RAB8B: variants seen among roughly 807,000 people sequenced by gnomAD.
RAB8B encodes RAB8B, member RAS oncogene family.
RAB8B carries 11 observed loss-of-function variants against 32.0 expected under a neutral mutation model. That is an observed-to-expected ratio of 0.34 (90% CI 0.22 to 0.57). RAB8B has a LOEUF of 0.57. RAB8B is among the 20% of genes least tolerant of loss of function. RAB8B has a pLI of 0.86. For synonymous variants in RAB8B, 103 were observed against 89.6 expected (o/e 1.15, Z -0.85); for missense variants, 190 against 258.5 (o/e 0.73, Z 1.82).
intron 5 of RAB8B, 98 bp downstream of exon 5, chr15:63,256,692 T>A (rs2038161524): frequency 1.1e-6 from 1 of 870,344 alleles, no homozygotes; most frequent in Admixed American, 3.2e-5. Context: ...AAAATCTGTG[T>A]TTTAATCCCT....
intron 1 of RAB8B, among the ~76,000 whole-genome samples, chr15:63,214,286 CTTT>C (rs34415858): frequency 1.0e-5 from 1 of 95,648 alleles, no homozygotes; most frequent in Non-Finnish European, 2.1e-5. Context: ...CAGTTTCTTT[CTTT>C]TTTTTTTTTT....
At chr15:63,222,896 A>G (rs1377379396) in intron 1 of RAB8B, 2 of 265,762 alleles carry the variant, frequency 7.5e-6, no homozygotes, top group Non-Finnish European at 1.5e-5. Context: ...CATCATAACT[A>G]TTGTAATGTT....
At chr15:63,207,976 A>G (rs890894693) in intron 1 of RAB8B, among the ~76,000 whole-genome samples, 3 of 152,180 alleles carry the variant, frequency 2.0e-5, no homozygotes, top group Non-Finnish European at 4.4e-5. Flanking sequence ...ATGTCCTTCT[A>G]AGTGACCCGA....
At chr15:63,239,834 A>C (rs566176743) in intron 1 of RAB8B, among the ~76,000 whole-genome samples, 6 of 152,192 alleles carry the variant, frequency 3.9e-5, no homozygotes, top group Non-Finnish European at 8.8e-5. Flanking sequence ...TTAACTGGCA[A>C]AGAGAGGATG....
intron 1 of RAB8B, among the ~76,000 whole-genome samples, chr15:63,201,736 T>C (rs759299589): frequency 6.6e-6 from 1 of 152,190 alleles, no homozygotes; most frequent in Non-Finnish European, 1.5e-5. Context: ...TAGAAGGAGA[T>C]AGATATCTCC....
At position 63,249,080 on chromosome 15, in the gene RAB8B, G is replaced by A. The variant is rs181865501; in HGVS notation, c.186-565G>A. Among the ~76,000 whole-genome samples the A allele has an allele frequency of 7.5e-3, 1,147 of 152,196 alleles. 5 individuals carry two copies. The highest frequency in any genetic ancestry group is 0.017 in the Admixed American group (259 of 15,290). On this transcript the variant is annotated intron_variant, in intron 2 of 7. Coordinates refer to ENST00000321437, the MANE Select transcript of RAB8B (RefSeq NM_016530.3). ...TTTATGTTTAAAAGTCTTTGAAAACGTTGTCAAGATTTATGTGTTGAACTC... is the reference window on the plus strand; with the variant it reads ...TTTATGTTTAAAAGTCTTTGAAAACATTGTCAAGATTTATGTGTTGAACTC...
At chr15:63,244,674 TCAATAGAAA>T in intron 1 of RAB8B, 73 bp from the exon 2 acceptor site, 1 of 1,143,798 alleles carries the variant, frequency 8.7e-7, no homozygotes, top group Admixed American at 2.4e-5. Flanking sequence ...GAGCTTTTTT[TCAATAGAAA>T]TCTTTGTCCT....
At chr15:63,223,331 C>G (rs936755919) in intron 1 of RAB8B, among the ~76,000 whole-genome samples, 15 of 152,046 alleles carry the variant, frequency 9.9e-5, no homozygotes, top group African/African-American at 3.6e-4. Flanking sequence ...AGGCTGGTCT[C>G]GAACTCCTGA....
rs2152584824 is a variant in RAB8B, at chr15:63,259,949, C to T, written c.480+257C>T. On this transcript the variant is annotated intron_variant, in intron 6 of 7. Coordinates refer to ENST00000321437, the MANE Select transcript of RAB8B (RefSeq NM_016530.3). The surrounding 1 kb of genome is among the most constrained non-coding windows in gnomAD (Gnocchi z 4.4). The stretch of plus-strand genomic sequence containing the variant: ...TCCCAGGTTCAAGCGATTCTCCTGC[C>T]TCAGCCTCCCGAGTAGCTGGTACTA... Among the ~76,000 whole-genome samples, 3 of 152,266 alleles carry T rather than the reference C, an allele frequency of 2.0e-5. No individual in the cohort carries two copies. In the South Asian group the frequency reaches 6.2e-4, roughly 32 times the overall value.
chr15:63,193,744 G>A (rs892651872), intron 1 of RAB8B, among the ~76,000 whole-genome samples: 3 of 152,046 alleles, frequency 2.0e-5, no homozygotes, highest in Non-Finnish European at 2.9e-5. Context: ...CTGGGAGGCC[G>A]AGCTTGCAGT....
At chr15:63,257,297 T>C (rs1340323239) in intron 5 of RAB8B, among the ~76,000 whole-genome samples, 1 of 151,768 alleles carries the variant, frequency 6.6e-6, no homozygotes, top group African/African-American at 2.4e-5. Context: ...TCTTGCTCTG[T>C]CTCCCAGGCT....
chr15:63,209,282 GGAT>G (rs750260356), intron 1 of RAB8B, among the ~76,000 whole-genome samples: 1 of 151,876 alleles, frequency 6.6e-6, no homozygotes, highest in Non-Finnish European at 1.5e-5. Flanking sequence ...TGAAATTTTA[GGAT>G]GATATTATGA....
chr15:63,242,190 T>G lies in RAB8B; in HGVS notation c.125-2566T>G, dbSNP rs189175881. 5.3e-5 allele frequency among the ~76,000 whole-genome samples: 8 copies of G among 151,946 alleles called. No homozygotes were observed. The East Asian group carries it at 1.6e-3, about 30-fold the overall frequency. On this transcript the variant is annotated intron_variant, in intron 1 of 7. Transcript: ENST00000321437. ...AATTAGCTTGGGTGTGATTGTTGCC[T>G]ATTTCAAGACACAAGAGTATCTAAA... is the stretch of plus-strand genomic sequence containing the variant.
intron 1 of RAB8B, among the ~76,000 whole-genome samples, chr15:63,208,418 C>G (rs550752043): frequency 6.6e-6 from 1 of 152,138 alleles, no homozygotes; most frequent in Non-Finnish European, 1.5e-5. Flanking sequence ...CATTATCTCA[C>G]TGTCATTTGT....
At chr15:63,244,059 C>G (rs965469018) in intron 1 of RAB8B, among the ~76,000 whole-genome samples, 1 of 152,176 alleles carries the variant, frequency 6.6e-6, no homozygotes, top group Non-Finnish European at 1.5e-5. Flanking sequence ...AAAGGTCCCA[C>G]CTCTTAGTAC....
intron 1 of RAB8B, among the ~76,000 whole-genome samples, chr15:63,203,798 T>C (rs1044855220): frequency 2.0e-5 from 3 of 152,238 alleles, no homozygotes; most frequent in Non-Finnish European, 2.9e-5. Flanking sequence ...AACGGCAGTC[T>C]AGTTCCAGAA....
At chr15:63,205,385 CT>C (rs2037689905) in intron 1 of RAB8B, among the ~76,000 whole-genome samples, 4 of 152,098 alleles carry the variant, frequency 2.6e-5, no homozygotes, top group African/African-American at 9.7e-5. Flanking sequence ...GTAGTCCCAG[CT>C]ATTCAGGAGG....
chr15:63,192,349 A>T (rs1225790344), intron 1 of RAB8B, among the ~76,000 whole-genome samples: 1 of 152,190 alleles, frequency 6.6e-6, no homozygotes, highest in Non-Finnish European at 1.5e-5. Flanking sequence ...TTGAGTGTTG[A>T]CATCTCTAGC....
chr15:63,202,118 A>T (rs1217440014), intron 1 of RAB8B, among the ~76,000 whole-genome samples: 2 of 88,438 alleles, frequency 2.3e-5, no homozygotes. Context: ...AAAAAAAAAA[A>T]ATACAAAAAA....
Sources: allele counts gnomAD v4.1 joint callset (sites outside exome capture counted in the v4.1 genomes callset), GRCh38; gene constraint gnomAD v4.1.1; non-coding constraint Gnocchi (gnomAD v3.1); transcripts MANE v1.5; gene names NCBI Gene and HGNC (gene_info 2026-07-23, HGNC 2026-07-21).